The following KMT2A variants were observed in gnomAD, a reference collection of about 807,000 sequenced individuals.
KMT2A encodes the protein lysine methyltransferase 2A.
Under a neutral mutation model 345.3 loss-of-function variants are expected in KMT2A, and 16 were observed. The observed-to-expected ratio is 0.05, with a 90% CI of 0.03 to 0.07. The LOEUF is 0.07. Ranked by LOEUF, KMT2A falls within the 10% of genes least tolerant of loss-of-function variation. KMT2A has a pLI of 1.00. For synonymous variants in KMT2A, 1,599 were observed against 1,778.6 expected (o/e 0.90, Z 2.54); for missense variants, 3,272 against 4,841.6 (o/e 0.68, Z 9.62).
intron 1 of KMT2A, among the ~76,000 whole-genome samples, chr11:118,465,363 G>GT (rs1414506440): frequency 6.6e-6 from 1 of 152,182 alleles, no homozygotes; most frequent in African/African-American, 2.4e-5. Flanking sequence ...TAAATAGCTG[G>GT]TATCATGGCT....
At chr11:118,464,540 A>G (rs1555033649) in intron 1 of KMT2A, among the ~76,000 whole-genome samples, 1 of 134,428 alleles carries the variant, frequency 7.4e-6, no homozygotes, top group African/African-American at 2.9e-5. Context: ...ACTCTGTCTC[A>G]AAAAAAAAAA....
At chr11:118,483,973 A>G (rs1555040139) in intron 8 of KMT2A, among the ~76,000 whole-genome samples, 1 of 152,212 alleles carries the variant, frequency 6.6e-6, no homozygotes, top group Admixed American at 6.5e-5. Flanking sequence ...TCTAGGCTGC[A>G]GTGAGCTGTG....
Position 118,473,315 on chromosome 11 carries a change from G to A in KMT2A, c.2156G>A (p.Ser719Asn), listed in dbSNP as rs1437635121. The A allele has an allele frequency of 1.9e-6, 3 of 1,613,750 alleles. No individual in the cohort carries two copies. The highest frequency in any genetic ancestry group is 1.7e-6 in the Non-Finnish European group (2 of 1,179,964). The change falls in exon 3 of 36, where the codon AGT (serine) becomes AAT (asparagine). Residue 719 changes from serine (S) to asparagine (N), a missense_variant. Physicochemically the swap from Ser to Asn is conservative, Grantham distance 46 (BLOSUM62 1). This residue lies in a region of KMT2A where 114 missense variants were observed against 203.2 expected (regional missense o/e 0.56). Transcript: ENST00000534358. The surrounding 1 kb of genome is among the most constrained non-coding windows in gnomAD (Gnocchi z 5.2). ...ATATTTGAGTCTGTAACCTTGCCTA[G>A]TAATCGAACTTCTGCTGGAACATCT... is the stretch of plus-strand genomic sequence containing the variant. The part of the protein sequence containing the change: ...SRIFESVTLP[S>N]NRTSAGTSSS...
At chr11:118,448,136 A>G (rs947264106) in intron 1 of KMT2A, 1 of 152,408 alleles carries the variant, frequency 6.6e-6, no homozygotes, top group Non-Finnish European at 1.5e-5. Context: ...GCTTTATAGG[A>G]GAATACAAAT....
intron 1 of KMT2A, among the ~76,000 whole-genome samples, chr11:118,456,687 A>G (rs183368979): frequency 9.9e-5 from 15 of 152,018 alleles, no homozygotes; most frequent in South Asian, 8.3e-4. Flanking sequence ...TCTGCCATCT[A>G]CCCTCCTTTT....
rs1950390855 is a variant in KMT2A at position 118,495,304 on chromosome 11, G to A, written c.5364-396G>A. Among the ~76,000 whole-genome samples, 1 of 151,780 alleles carries A rather than the reference G, an allele frequency of 6.6e-6. No homozygotes were observed. Among genetic ancestry groups the A allele is most frequent in the African/African-American group, 2.4e-5 (1 of 41,298 alleles). On this transcript the variant is annotated intron_variant, in intron 18 of 35. Transcript: ENST00000534358. The surrounding 1 kb of genome is among the most constrained non-coding windows in gnomAD (Gnocchi z 4.1). ...CTCCCAAGTAGCTGGGAAAACAGGC[G>A]GGCACCACCATGCCCAGCTAATTTT...
Position 118,473,884 on chromosome 11 carries a change from G to A in KMT2A, c.2725G>A (p.Gly909Ser). The change falls in exon 3 of 36, where the codon GGT becomes AGT. Residue 909 changes from glycine to serine, a missense_variant. Physicochemically the swap from Gly to Ser is moderately conservative, Grantham distance 56. This residue lies in a region of KMT2A where 209 missense variants were observed against 237.4 expected (regional missense o/e 0.88). Coordinates refer to ENST00000534358, the MANE Select transcript of KMT2A (RefSeq NM_001197104.2). This position sits in a 1 kb window ranked among gnomAD's most constrained non-coding sequence, Gnocchi z 5.2. ...GAGTAGTTCTGCTTTGTATCCTGTG[G>A]GTAGGGTTTCCAAAGAGAAGGTTGT... ...IQSSSALYPV[G>S]RVSKEKVVGE... 1 of 1,614,150 alleles carries A rather than the reference G, an allele frequency of 6.2e-7. No individual in the cohort carries two copies. The highest frequency in any genetic ancestry group is 2.2e-5 in the East Asian group (1 of 44,882).
rs1555046586 is a variant in KMT2A, at chr11:118,503,342, A to C, written c.7450A>C (p.Asn2484His). 6.2e-7 allele frequency: 1 copy of C among 1,614,132 alleles called. No homozygotes were observed. The highest frequency in any genetic ancestry group is 1.1e-5 in the South Asian group (1 of 91,080). ...GTATATGGGCCAACGACCATGTAAC[A>C]ATGTTTCTTCTGATAAGATTGGTGA... The part of the protein sequence containing the change: ...PEYMGQRPCN[N>H]VSSDKIGDKG... The change falls in exon 27 of 36, where the codon AAT (asparagine) becomes CAT (histidine). Residue 2484 changes from asparagine to histidine, a missense_variant. Coordinates refer to ENST00000534358, the MANE Select transcript of KMT2A (RefSeq NM_001197104.2). This position sits in a 1 kb window ranked among gnomAD's most constrained non-coding sequence, Gnocchi z 5.3.
chr11:118,509,922 A>C, intron 29 of KMT2A, 26 bp from the exon 30 acceptor site: 2 of 1,561,266 alleles, frequency 1.3e-6, no homozygotes, highest in Non-Finnish European at 1.7e-6. Context: ...TGTTACTGCA[A>C]CCACTATCTA....
At chr11:118,474,853 G>A (rs959639500) in intron 3 of KMT2A, among the ~76,000 whole-genome samples, 1 of 152,098 alleles carries the variant, frequency 6.6e-6, no homozygotes, top group Non-Finnish European at 1.5e-5. Flanking sequence ...GGCCAGGTGC[G>A]ATGGCTCATG....
Position 118,496,791 on chromosome 11 carries a change from A to G in KMT2A, c.5664+424A>G, listed in dbSNP as rs1441740646. 6.6e-6 allele frequency among the ~76,000 whole-genome samples: 1 copy of G among 152,174 alleles called. No homozygotes were observed. Among genetic ancestry groups the G allele is most frequent in the Non-Finnish European group, 1.5e-5 (1 of 68,026 alleles). ...AATACATTTCTGTGCTTAACTGCCT[A>G]CTTATTGACTTTGGCAAGTAGTTTA... On this transcript the variant is annotated intron_variant, in intron 20 of 35. Transcript: ENST00000534358. The surrounding 1 kb of genome is among the most constrained non-coding windows in gnomAD (Gnocchi z 4.7).
intron 1 of KMT2A, among the ~76,000 whole-genome samples, chr11:118,454,480 G>A (rs1357072856): frequency 6.6e-6 from 1 of 152,154 alleles, no homozygotes; most frequent in East Asian, 1.9e-4. Context: ...GGCCTAACCA[G>A]GTTTGGCAAG....
At chr11:118,488,361 T>G in intron 10 of KMT2A, 1 of 483,874 alleles carries the variant, frequency 2.1e-6, no homozygotes, top group Non-Finnish European at 3.8e-6. Flanking sequence ...TCACTTAGCA[T>G]GTTCTGTTAA....
At chr11:118,513,945 AAAAAAAAAAAAAAGAAAAAG>A (rs1950746380) in intron 31 of KMT2A, among the ~76,000 whole-genome samples, 1 of 151,122 alleles carries the variant, frequency 6.6e-6, no homozygotes. Context: ...CTCAAAAAAA[AAAAAAAAAAAAAAGAAAAAG>A]AAAAAAAAGT....
At position 118,505,785 on chromosome 11, in the gene KMT2A, A is replaced by G; in HGVS notation, c.9893A>G (p.Tyr3298Cys). The G allele has an allele frequency of 6.2e-7, 1 of 1,614,172 alleles. No homozygotes were observed. Among genetic ancestry groups the G allele is most frequent in the Non-Finnish European group, 8.5e-7 (1 of 1,180,038 alleles). The change falls in exon 27 of 36, where the codon TAT becomes TGT. Residue 3298 changes from tyrosine to cysteine, a missense_variant. Tyr to Cys is a radical substitution (Grantham distance 194). This residue lies in a region of KMT2A where 748 missense variants were observed against 922.2 expected (regional missense o/e 0.81). Transcript: ENST00000534358. This position sits in a 1 kb window ranked among gnomAD's most constrained non-coding sequence, Gnocchi z 4.6. ...AAAAGATCTAAATCTAGCATCATGT[A>G]TTTTGAACCGGCACCCCTGTTACCA... ...IIKRSKSSIM[Y>C]FEPAPLLPQS...
chr11:118,483,092 T>C (rs1555039796), intron 8 of KMT2A, among the ~76,000 whole-genome samples: 1 of 148,958 alleles, frequency 6.7e-6, no homozygotes, highest in Non-Finnish European at 1.5e-5. Flanking sequence ...AATTAGCCGG[T>C]TGTGGTAGTG....
intron 10 of KMT2A, among the ~76,000 whole-genome samples, chr11:118,487,712 A>AACC (rs1555041268): frequency 6.6e-6 from 1 of 152,224 alleles, no homozygotes; most frequent in Admixed American, 6.5e-5. Flanking sequence ...ACCATGGTAT[A>AACC]ATTACCAAAT....
At chr11:118,500,002 G>T in intron 24 of KMT2A, 89 bp downstream of exon 24, 2 of 820,544 alleles carry the variant, frequency 2.4e-6, no homozygotes, top group South Asian at 3.0e-5. Flanking sequence ...AGGCATACCT[G>T]TTAGCTACTT....
At chr11:118,477,200 C>T (rs1950052357) in intron 4 of KMT2A, among the ~76,000 whole-genome samples, 1 of 152,102 alleles carries the variant, frequency 6.6e-6, no homozygotes, top group African/African-American at 2.4e-5. Context: ...GACTGTGTTG[C>T]CCATCTCACC....
Sources: gnomAD v4.1 joint callset for allele counts (sites outside exome capture counted in the v4.1 genomes callset) on GRCh38, gnomAD v4.1.1 for gene constraint, gnomAD v4.1.1 regional missense constraint, Gnocchi (gnomAD v3.1) non-coding constraint, MANE v1.5 for transcripts, NCBI Gene and HGNC (gene_info 2026-07-23, HGNC 2026-07-21) for gene names.